BCAR3: variants seen among roughly 807,000 people sequenced by gnomAD.
BCAR3 encodes breast cancer anti-estrogen resistance protein 3.
A neutral mutation model predicts 80.1 loss-of-function variants in BCAR3; 37 were observed. The observed-to-expected ratio is 0.46, with a 90% CI of 0.36 to 0.61. The LOEUF (loss-of-function observed/expected upper bound fraction) is 0.61, where lower values mean the gene tolerates loss of function less well. BCAR3 is among the 20% of genes least tolerant of loss of function. BCAR3 has a pLI of 0.00. For synonymous variants in BCAR3, 389 were observed against 418.9 expected (o/e 0.93, Z 0.87); for missense variants, 978 against 1,068.2 (o/e 0.92, Z 1.18).
chr1:93,692,723 C>A (rs1649239565), intron 3 of BCAR3, among the ~76,000 whole-genome samples: 2 of 152,168 alleles, frequency 1.3e-5, no homozygotes, highest in Non-Finnish European at 2.9e-5. Flanking sequence ...CCAGTGTGAA[C>A]CCTTGTTCCT....
intron 2 of BCAR3, among the ~76,000 whole-genome samples, chr1:93,659,286 T>A (rs912474970): frequency 6.6e-6 from 1 of 152,134 alleles, no homozygotes; most frequent in Non-Finnish European, 1.5e-5. Context: ...GTTAAATAAA[T>A]CAATCCTCCT....
At chr1:93,842,389 C>T (rs1654992582) in intron 2 of BCAR3, among the ~76,000 whole-genome samples, 1 of 152,010 alleles carries the variant, frequency 6.6e-6, no homozygotes, top group South Asian at 2.1e-4. Context: ...TGAGCTCAGG[C>T]AATCCACCCG....
chr1:93,651,832 G>A (rs1676334927), intron 2 of BCAR3, among the ~76,000 whole-genome samples: 3 of 152,138 alleles, frequency 2.0e-5, no homozygotes. Context: ...GGGAAGCCAA[G>A]AGAAGCGGCA....
intron 3 of BCAR3, among the ~76,000 whole-genome samples, chr1:93,618,231 G>T (rs965151046): frequency 2.0e-5 from 3 of 152,222 alleles, no homozygotes; most frequent in Non-Finnish European, 2.9e-5. Context: ...GCGCCCTCTG[G>T]CCCCCTTTGT....
chr1:93,784,436 G>A (rs12124077), intron 2 of BCAR3, among the ~76,000 whole-genome samples: 20,525 of 152,116 alleles, frequency 0.13, 2,172 homozygotes, highest in African/African-American at 0.28. Flanking sequence ...AGGTTAAGAG[G>A]AGTAAAACCA....
intron 2 of BCAR3, among the ~76,000 whole-genome samples, chr1:93,838,151 T>C (rs986215339): frequency 9.6e-4 from 146 of 152,250 alleles, no homozygotes; most frequent in African/African-American, 3.4e-3. Flanking sequence ...AAAAGAATAC[T>C]GGAGACTGGG....
chr1:93,568,109 C>T (rs2101801389), intron 9 of BCAR3: 2 of 351,682 alleles, frequency 5.7e-6, no homozygotes, highest in East Asian at 6.6e-5. Context: ...TTGCTTGAAC[C>T]TGGGAGGCGG....
chr1:93,666,506 A>G (rs1647919141), intron 2 of BCAR3, among the ~76,000 whole-genome samples: 1 of 152,188 alleles, frequency 6.6e-6, no homozygotes, highest in South Asian at 2.1e-4. Flanking sequence ...TACGTACTTA[A>G]TGATGCATTT....
intron 4 of BCAR3, among the ~76,000 whole-genome samples, chr1:93,589,704 G>A (rs1336633149): frequency 6.6e-6 from 1 of 152,170 alleles, no homozygotes; most frequent in African/African-American, 2.4e-5. Flanking sequence ...GTTTTTGGTG[G>A]GGAGCTTCTG....
At chr1:93,664,860 T>C (rs1419240892) in intron 2 of BCAR3, among the ~76,000 whole-genome samples, 1 of 152,216 alleles carries the variant, frequency 6.6e-6, no homozygotes, top group Non-Finnish European at 1.5e-5. Flanking sequence ...GCACTTCTGA[T>C]AAAAGCAGAT....
At chr1:93,616,765 G>A (rs936250157) in intron 3 of BCAR3, among the ~76,000 whole-genome samples, 1 of 152,210 alleles carries the variant, frequency 6.6e-6, no homozygotes, top group Non-Finnish European at 1.5e-5. Context: ...CGGGATAGGG[G>A]AGGGCATTTC....
At chr1:93,735,190 GC>G (rs1457381989) in intron 2 of BCAR3, among the ~76,000 whole-genome samples, 2 of 152,214 alleles carry the variant, frequency 1.3e-5, no homozygotes, top group Non-Finnish European at 2.9e-5. Flanking sequence ...GGCCTCTGGT[GC>G]CCCCTCTGGC....
chr1:93,687,189 C>G (rs1649005521), intron 3 of BCAR3, among the ~76,000 whole-genome samples: 1 of 152,234 alleles, frequency 6.6e-6, no homozygotes, highest in African/African-American at 2.4e-5. Flanking sequence ...TAAATCTCCC[C>G]ATAGGCTAAA....
intron 3 of BCAR3, among the ~76,000 whole-genome samples, chr1:93,642,047 AAAAC>A (rs1182719799): frequency 5.9e-5 from 9 of 152,182 alleles, no homozygotes; most frequent in Non-Finnish European, 7.3e-5. Context: ...ACCTTTCTGG[AAAAC>A]AAACAAACAA....
chr1:93,636,692 G>T (rs1032034759), intron 3 of BCAR3, among the ~76,000 whole-genome samples: 9 of 152,034 alleles, frequency 5.9e-5, no homozygotes, highest in Non-Finnish European at 1.2e-4. Flanking sequence ...AAATCACCCA[G>T]CCCTGCCCTA....
intron 3 of BCAR3, among the ~76,000 whole-genome samples, chr1:93,639,333 G>A (rs1675906358): frequency 6.6e-6 from 1 of 152,050 alleles, no homozygotes. Flanking sequence ...CTCGCCCCAC[G>A]AGCTATGAGG....
chr1:93,743,733 C>T (rs1236427588), intron 2 of BCAR3, among the ~76,000 whole-genome samples: 1 of 152,186 alleles, frequency 6.6e-6, no homozygotes, highest in Non-Finnish European at 1.5e-5. Flanking sequence ...TACCCAGCTA[C>T]AACTAAGTAC....
Position 93,696,241 on chromosome 1 carries a change from T to A in BCAR3, c.-12+9851A>T, listed in dbSNP as rs554468405. ...TTTCACATCCAAATGGTTTGCTAAA[T>A]GTTGATTATGGGACAGACGGTTTAA... On this transcript the variant is annotated intron_variant, in intron 3 of 13. Transcript: ENST00000370244. Among the ~76,000 whole-genome samples the A allele has an allele frequency of 1.8e-4, 28 of 152,236 alleles. 1 individual carries two copies. In the South Asian group the frequency reaches 5.4e-3, roughly 29 times the overall value.
At chr1:93,780,467 C>T (rs1304200983) in intron 2 of BCAR3, among the ~76,000 whole-genome samples, 1 of 151,992 alleles carries the variant, frequency 6.6e-6, no homozygotes, top group Non-Finnish European at 1.5e-5. Flanking sequence ...TGACATTCAT[C>T]TGCTCTCTAC....
Sources: gnomAD v4.1 joint callset for allele counts (sites outside exome capture counted in the v4.1 genomes callset) on GRCh38, gnomAD v4.1.1 for gene constraint, MANE v1.5 for transcripts, NCBI Gene and HGNC (gene_info 2026-07-23, HGNC 2026-07-21) for gene names.